The following FBXO10 variants were observed in gnomAD, a reference collection of about 807,000 sequenced individuals.
The protein encoded by FBXO10 is F-box protein 10.
FBXO10 carries 39 observed loss-of-function variants against 80.7 expected under a neutral mutation model. The observed-to-expected ratio is 0.48, with a 90% CI of 0.37 to 0.63. The LOEUF (loss-of-function observed/expected upper bound fraction) is 0.63, where lower values mean the gene tolerates loss of function less well. FBXO10 is among the 30% of genes least tolerant of loss of function. The probability of loss-of-function intolerance (pLI) is 0.00; values close to 1 mark genes in which losing one functional copy is unlikely to be tolerated. For synonymous variants in FBXO10, 449 were observed against 489.6 expected (o/e 0.92, Z 1.09); for missense variants, 1,025 against 1,269.0 (o/e 0.81, Z 2.92).
chr9:37,553,297 C>T (rs1435451591), intron 1 of FBXO10, among the ~76,000 whole-genome samples: 1 of 152,094 alleles, frequency 6.6e-6, no homozygotes, highest in East Asian at 1.9e-4. Flanking sequence ...CCTCAGCCTC[C>T]CAAAGTGCTG....
At chr9:37,535,135 G>A (rs912689062) in intron 3 of FBXO10, among the ~76,000 whole-genome samples, 9 of 152,122 alleles carry the variant, frequency 5.9e-5, no homozygotes, top group Admixed American at 2.6e-4. Context: ...TGAAGCCTAC[G>A]GGACGCTGAG....
chr9:37,567,461 T>G (rs889834936), intron 1 of FBXO10, among the ~76,000 whole-genome samples: 3 of 151,824 alleles, frequency 2.0e-5, no homozygotes, highest in Non-Finnish European at 4.4e-5. Flanking sequence ...ATCGTCTTAA[T>G]GAGCACTTAT....
At chr9:37,535,328 C>A (rs527546675) in intron 3 of FBXO10, among the ~76,000 whole-genome samples, 9 of 151,778 alleles carry the variant, frequency 5.9e-5, no homozygotes, top group Non-Finnish European at 1.3e-4. Flanking sequence ...AGAAGAAAAT[C>A]ACAGTCGGTG....
At chr9:37,548,779 C>T (rs919283115) in intron 1 of FBXO10, among the ~76,000 whole-genome samples, 19 of 151,944 alleles carry the variant, frequency 1.3e-4, no homozygotes, top group Admixed American at 4.6e-4. Flanking sequence ...GACGGAGTCT[C>T]CCTCTGTTGC....
chr9:37,520,098 G>T (rs1488522836), intron 8 of FBXO10, among the ~76,000 whole-genome samples: 2 of 151,804 alleles, frequency 1.3e-5, no homozygotes, highest in African/African-American at 2.4e-5. Flanking sequence ...GCCTCTCAAA[G>T]TGTTAGGGTT....
chr9:37,540,133 T>G (rs1821873172), intron 2 of FBXO10, among the ~76,000 whole-genome samples: 1 of 152,134 alleles, frequency 6.6e-6, no homozygotes, highest in Non-Finnish European at 1.5e-5. Context: ...ATAAGGATCA[T>G]TACAAACATG....
At chr9:37,540,331 GCACCTGC>G (rs551635547) in intron 2 of FBXO10, among the ~76,000 whole-genome samples, 2 of 152,106 alleles carry the variant, frequency 1.3e-5, no homozygotes, top group Non-Finnish European at 2.9e-5. Context: ...GGGATTACAG[GCACCTGC>G]CACCATGCCC....
intron 1 of FBXO10, among the ~76,000 whole-genome samples, chr9:37,547,634 A>T (rs1822090122): frequency 6.6e-6 from 1 of 152,104 alleles, no homozygotes; most frequent in African/African-American, 2.4e-5. Flanking sequence ...AAAACAAAAA[A>T]GACAAAACTA....
intron 1 of FBXO10, among the ~76,000 whole-genome samples, chr9:37,565,821 C>T (rs932476422): frequency 6.6e-6 from 1 of 152,142 alleles, no homozygotes; most frequent in African/African-American, 2.4e-5. Context: ...GAACTGGACT[C>T]TGAAATTTGC....
At chr9:37,524,696 G>A (rs1821425419) in intron 6 of FBXO10, among the ~76,000 whole-genome samples, 1 of 152,252 alleles carries the variant, frequency 6.6e-6, no homozygotes, top group African/African-American at 2.4e-5. Context: ...CAATGGGGAA[G>A]TCAGGGAAGG....
intron 5 of FBXO10, among the ~76,000 whole-genome samples, chr9:37,526,284 G>T (rs1821469685): frequency 6.6e-6 from 1 of 152,128 alleles, no homozygotes; most frequent in Admixed American, 6.6e-5. Flanking sequence ...AACTTTCTGT[G>T]GCAAAAATAG....
chr9:37,518,227 G>A lies in FBXO10; in HGVS notation c.2412C>T (p.Gly804=), dbSNP rs1322195787. The change falls in exon 9 of 11, where the codon GGC becomes GGT. Residue 804 remains glycine, a synonymous_variant. Transcript: ENST00000432825. ...TGTCGCCCTTGGTGATAATGCCGTG[G>A]CCTCTGTTGTCATAGATACCATTGC... is the stretch of plus-strand genomic sequence containing the variant. ...LRGNGIYDNR[G]HGIITKGDST... is the part of the protein sequence containing the mutation. 6.2e-7 allele frequency: 1 copy of A among 1,613,940 alleles called. No homozygotes were observed. Among genetic ancestry groups the A allele is most frequent in the East Asian group, 2.2e-5 (1 of 44,900 alleles).
intron 1 of FBXO10, among the ~76,000 whole-genome samples, chr9:37,545,011 A>AAAAAAAAG (rs1347904303): frequency 7.2e-6 from 1 of 139,620 alleles, no homozygotes; most frequent in African/African-American, 3.0e-5. Context: ...AAAAAAAAAA[A>AAAAAAAAG]AGAGAGAGAA....
At chr9:37,514,467 C>G (rs890535577) in intron 10 of FBXO10, among the ~76,000 whole-genome samples, 1 of 151,980 alleles carries the variant, frequency 6.6e-6, no homozygotes. Context: ...TAACTGTATA[C>G]TTTAAAATTT....
chr9:37,512,320 G>A lies in FBXO10; in HGVS notation c.*227C>T. The A allele has an allele frequency of 4.5e-6, 2 of 443,220 alleles. No homozygotes were observed. The highest frequency in any genetic ancestry group is 5.0e-5 in the South Asian group (1 of 20,110). 27.5% of individuals were successfully genotyped at this position (443,220 alleles called of 1,614,324 possible). On this transcript the variant is annotated 3_prime_UTR_variant, in exon 11 of 11. Transcript: ENST00000432825. ...TCTTCACAATCTTTATAGACTTCGA[G>A]TGACTGGAAACCCACCAGCTTCTAT...
At chr9:37,515,181 G>A (rs1821152834) in intron 10 of FBXO10, 1 of 152,324 alleles carries the variant, frequency 6.6e-6, no homozygotes, top group Non-Finnish European at 1.5e-5. Context: ...ATGTGAAAGC[G>A]AAAGCACGGA....
chr9:37,571,837 C>CA (rs573094537), intron 1 of FBXO10, among the ~76,000 whole-genome samples: 254 of 148,868 alleles, frequency 1.7e-3, no homozygotes, highest in Non-Finnish European at 3.1e-3. Context: ...AATTAACCAA[C>CA]AAAAAACTGC....
intron 1 of FBXO10, among the ~76,000 whole-genome samples, chr9:37,560,809 C>T (rs532172469): frequency 6.6e-6 from 1 of 152,148 alleles, no homozygotes; most frequent in Non-Finnish European, 1.5e-5. Context: ...GGAGTATGGC[C>T]TGAAGTAGGC....
chr9:37,534,650 C>T (rs1327989558), intron 3 of FBXO10, among the ~76,000 whole-genome samples: 1 of 152,044 alleles, frequency 6.6e-6, no homozygotes, highest in African/African-American at 2.4e-5. Flanking sequence ...TTCTCTGTGG[C>T]CTTCACTAGG....
Sources: allele counts gnomAD v4.1 joint callset (sites outside exome capture counted in the v4.1 genomes callset), GRCh38; gene constraint gnomAD v4.1.1; transcripts MANE v1.5; gene names NCBI Gene and HGNC (gene_info 2026-07-23, HGNC 2026-07-21).